The following SAMD3 variants were observed in gnomAD, a reference collection of about 807,000 sequenced individuals.
SAMD3 encodes sterile alpha motif domain-containing protein 3.
In SAMD3, 63 loss-of-function variants were observed where a neutral mutation model predicts 58.5. The observed-to-expected ratio is 1.08, with a 90% CI of 0.88 to 1.33. SAMD3 has a LOEUF of 1.33. Ranked by LOEUF, SAMD3 falls within the 40% of genes most tolerant of loss-of-function variation. SAMD3 has a pLI of 0.00. For missense variants in SAMD3, 604 were observed against 608.4 expected, an observed-to-expected ratio of 0.99 and a Z score of 0.08; for synonymous variants, 220 against 210.3, an observed-to-expected ratio of 1.05 and a Z score of -0.40.
At chr6:130,220,975 T>A (rs1244159639) in intron 1 of SAMD3, among the ~76,000 whole-genome samples, 3 of 151,880 alleles carry the variant, frequency 2.0e-5, no homozygotes, top group Admixed American at 6.6e-5. Flanking sequence ...TGCCTCAACC[T>A]CCCGAGTAGC....
chr6:130,288,461 A>AT (rs1422486698), intron 2 of SAMD3, among the ~76,000 whole-genome samples: 4 of 152,104 alleles, frequency 2.6e-5, no homozygotes, highest in African/African-American at 9.7e-5. Flanking sequence ...ACATCTGAAA[A>AT]AAAATAGCTT....
chr6:130,197,316 A>G (rs1013956130), intron 5 of SAMD3, among the ~76,000 whole-genome samples: 1 of 152,176 alleles, frequency 6.6e-6, no homozygotes, highest in African/African-American at 2.4e-5. Context: ...CTACTCATAC[A>G]TGCCCTGCTC....
chr6:130,321,730 T>C (rs143419416), intron 1 of SAMD3, among the ~76,000 whole-genome samples: 14 of 136,428 alleles, frequency 1.0e-4, no homozygotes, highest in African/African-American at 4.3e-4. Flanking sequence ...GAGAACAGCA[T>C]CTTATATCTA....
intron 9 of SAMD3, among the ~76,000 whole-genome samples, chr6:130,153,648 A>G: frequency 3.2e-5 from 1 of 30,884 alleles, no homozygotes; most frequent in South Asian, 9.2e-4. Flanking sequence ...ATTAAATTTC[A>G]TATATATATA....
At chr6:130,168,995 G>T (rs1008115190) in intron 8 of SAMD3, among the ~76,000 whole-genome samples, 4 of 151,852 alleles carry the variant, frequency 2.6e-5, no homozygotes. Context: ...TTGTAAAGAG[G>T]GGGTCTCACT....
chr6:130,230,190 G>C (rs553420637), intron 2 of SAMD3, among the ~76,000 whole-genome samples: 2 of 152,096 alleles, frequency 1.3e-5, no homozygotes, highest in Non-Finnish European at 2.9e-5. Flanking sequence ...TCAGGAGAAC[G>C]GTATTATGTT....
intron 9 of SAMD3, among the ~76,000 whole-genome samples, chr6:130,150,045 G>A (rs1789002838): frequency 6.6e-6 from 1 of 152,098 alleles, no homozygotes; most frequent in Non-Finnish European, 1.5e-5. Flanking sequence ...CGCACATGGT[G>A]ATGTTTTCAT....
At chr6:130,317,562 T>C (rs1776423348) in intron 1 of SAMD3, among the ~76,000 whole-genome samples, 1 of 152,208 alleles carries the variant, frequency 6.6e-6, no homozygotes, top group South Asian at 2.1e-4. Flanking sequence ...AAGAAACTGA[T>C]ATTATATTTG....
chr6:130,365,720 C>A (rs1452136854), upstream of SAMD3: 4 of 985,326 alleles, frequency 4.1e-6, no homozygotes, highest in Admixed American at 6.1e-5. Flanking sequence ...CGCCTGCAAG[C>A]GGGTACTTTG....
chr6:130,256,924 G>C (rs1019641392), intron 2 of SAMD3, among the ~76,000 whole-genome samples: 13 of 152,128 alleles, frequency 8.5e-5, no homozygotes, highest in African/African-American at 3.1e-4. Context: ...AGCTATCTCA[G>C]ATTCTTTTGG....
upstream of SAMD3, among the ~76,000 whole-genome samples, chr6:130,224,536 A>C (rs1796331043): frequency 1.3e-5 from 2 of 151,942 alleles, no homozygotes; most frequent in Non-Finnish European, 2.9e-5. Context: ...CCCTAGGTTC[A>C]TGTGAGGACG....
chr6:130,358,988 G>T (rs1331228983), intron 1 of SAMD3, among the ~76,000 whole-genome samples: 1 of 152,120 alleles, frequency 6.6e-6, no homozygotes, highest in African/African-American at 2.4e-5. Context: ...GAGAGCACAG[G>T]CCTTAGCATC....
At chr6:130,259,057 G>A (rs1050851902) in intron 2 of SAMD3, among the ~76,000 whole-genome samples, 5 of 152,104 alleles carry the variant, frequency 3.3e-5, no homozygotes, top group Admixed American at 6.6e-5. Flanking sequence ...AGCCCATACA[G>A]GTTGGTTATA....
chr6:130,365,248 C>T (rs1053509854), exon 1 of SAMD3: 1 of 985,500 alleles, frequency 1.0e-6, no homozygotes, highest in Non-Finnish European at 1.2e-6. Flanking sequence ...CTGAACCTCT[C>T]GTTGGCTTTG....
chr6:130,163,200 A>G (rs1187764061), intron 8 of SAMD3, among the ~76,000 whole-genome samples: 1 of 152,224 alleles, frequency 6.6e-6, no homozygotes, highest in Non-Finnish European at 1.5e-5. Context: ...GAATGATTAC[A>G]TGTTGAAATA....
At chr6:130,151,050 T>C (rs1318142313) in intron 9 of SAMD3, among the ~76,000 whole-genome samples, 2 of 152,098 alleles carry the variant, frequency 1.3e-5, no homozygotes, top group African/African-American at 4.8e-5. Context: ...GTCTCGGCTC[T>C]CAGCCAAGGA....
chr6:130,167,198 T>C (rs1028153834), intron 8 of SAMD3, among the ~76,000 whole-genome samples: 8 of 151,916 alleles, frequency 5.3e-5, no homozygotes, highest in African/African-American at 1.9e-4. Context: ...AGGTAAAGAA[T>C]CCTCATTTAT....
chr6:130,351,507 C>A (rs1421408957), intron 1 of SAMD3, among the ~76,000 whole-genome samples: 1 of 152,162 alleles, frequency 6.6e-6, no homozygotes, highest in Non-Finnish European at 1.5e-5. Flanking sequence ...CAGAGAAATG[C>A]AGATCAAAAC....
chr6:130,310,761 T>C (rs931718121), intron 2 of SAMD3, among the ~76,000 whole-genome samples: 34 of 152,212 alleles, frequency 2.2e-4, no homozygotes, highest in Non-Finnish European at 5.9e-5. Flanking sequence ...CTGAATTATA[T>C]TGCAAAAATA....
Sources: gnomAD v4.1 joint callset for allele counts (sites outside exome capture counted in the v4.1 genomes callset) on GRCh38, gnomAD v4.1.1 for gene constraint, MANE v1.5 for transcripts, NCBI Gene and HGNC (gene_info 2026-07-23, HGNC 2026-07-21) for gene names.